The following ZEB2 variants were observed in gnomAD, a reference collection of about 807,000 sequenced individuals.
ZEB2 encodes the protein zinc finger E-box binding homeobox 2, also known as zinc finger E-box-binding homeobox 2.
Under a neutral mutation model 99.9 loss-of-function variants are expected in ZEB2, and 6 were observed. The ratio of observed to expected loss-of-function variants is 0.06; its 90% CI spans 0.03 to 0.12. The LOEUF is 0.12. ZEB2 is among the 10% of genes least tolerant of loss of function. ZEB2 has a pLI of 1.00. For synonymous variants in ZEB2, 517 were observed against 542.5 expected, an observed-to-expected ratio of 0.95 and a Z score of 0.65; for missense variants, 969 against 1,502.8, an observed-to-expected ratio of 0.64 and a Z score of 5.87.
chr2:144,500,086 C>T (rs1704847140), intron 2 of ZEB2, among the ~76,000 whole-genome samples: 1 of 152,202 alleles, frequency 6.6e-6, no homozygotes, highest in Admixed American at 6.5e-5. Flanking sequence ...TGCATTTGCA[C>T]AGCCTCCACT....
At chr2:144,411,071 A>C (rs1316627222) in intron 4 of ZEB2, among the ~76,000 whole-genome samples, 2 of 104,538 alleles carry the variant, frequency 1.9e-5, no homozygotes, top group Non-Finnish European at 4.1e-5. Flanking sequence ...ATATATATAT[A>C]TATATATATA....
In ZEB2 at chr2:144,398,701, C is replaced by T. The variant is rs730881198; in HGVS notation, c.2486G>A (p.Ser829Asn). The T allele has an allele frequency of 6.2e-7, 1 of 1,614,014 alleles. No homozygotes were observed. The highest frequency in any genetic ancestry group is 1.3e-5 in the African/African-American group (1 of 74,980). The change falls in exon 8 of 10, where the codon AGT (serine) becomes AAT (asparagine). Residue 829 changes from serine to asparagine, a missense_variant. Ser to Asn is a conservative substitution (Grantham distance 46, BLOSUM62 1). Transcript: ENST00000627532. The stretch of plus-strand genomic sequence containing the variant: ...TGTTTTGTTCTTTGTGGCTATAATA[C>T]TTTTGGGTTCTTTCATTTGTTTTGG... ...SLPKQMKEPK[S>N]IIATKNKTKA...
intron 4 of ZEB2, among the ~76,000 whole-genome samples, chr2:144,411,915 C>T (rs1181661031): frequency 6.6e-6 from 1 of 152,224 alleles, no homozygotes; most frequent in Non-Finnish European, 1.5e-5. Flanking sequence ...ACTGCTAACA[C>T]TCAACGATTT....
chr2:144,491,445 T>A (rs1445196589), intron 2 of ZEB2, among the ~76,000 whole-genome samples: 1 of 152,176 alleles, frequency 6.6e-6, no homozygotes, highest in Non-Finnish European at 1.5e-5. Flanking sequence ...TTTTATAAGT[T>A]TCAGATTATA....
intron 9 of ZEB2, among the ~76,000 whole-genome samples, chr2:144,393,717 T>C (rs892869660): frequency 6.6e-6 from 1 of 152,168 alleles, no homozygotes; most frequent in Non-Finnish European, 1.5e-5. Flanking sequence ...TGTCATGAGA[T>C]GTTTGGTCAA....
At chr2:144,436,149 A>G (rs1195148117) in intron 2 of ZEB2, among the ~76,000 whole-genome samples, 1 of 152,202 alleles carries the variant, frequency 6.6e-6, no homozygotes, top group Non-Finnish European at 1.5e-5. Flanking sequence ...AAATGGGAAT[A>G]ACTTTATTAC....
chr2:144,421,610 CT>C (rs540637098), intron 4 of ZEB2, among the ~76,000 whole-genome samples: 82 of 149,382 alleles, frequency 5.5e-4, no homozygotes, highest in Non-Finnish European at 1.1e-3. Context: ...ACGAAATTCT[CT>C]TTCTTTGCTT....
At chr2:144,497,083 C>T (rs548751236) in intron 2 of ZEB2, among the ~76,000 whole-genome samples, 1 of 152,300 alleles carries the variant, frequency 6.6e-6, no homozygotes, top group Admixed American at 6.5e-5. Flanking sequence ...TTTCTCCTGG[C>T]TTGTACATGC....
At chr2:144,508,446 G>A (rs987788219) in intron 2 of ZEB2, among the ~76,000 whole-genome samples, 10 of 152,088 alleles carry the variant, frequency 6.6e-5, no homozygotes, top group East Asian at 3.9e-4. Context: ...CTTTAATTCC[G>A]TCATGTCTCA....
intron 4 of ZEB2, among the ~76,000 whole-genome samples, chr2:144,407,819 A>T (rs1703409013): frequency 6.6e-6 from 1 of 152,210 alleles, no homozygotes. Context: ...CCTTAGTGTA[A>T]CCTAGTAAAC....
At chr2:144,446,348 C>T (rs373808927) in intron 2 of ZEB2, among the ~76,000 whole-genome samples, 15 of 151,986 alleles carry the variant, frequency 9.9e-5, no homozygotes, top group Middle Eastern at 3.4e-3. Context: ...TTTTCTCCCT[C>T]CCTTCCTTGC....
At chr2:144,414,495 C>T (rs543017664) in intron 4 of ZEB2, among the ~76,000 whole-genome samples, 109 of 152,128 alleles carry the variant, frequency 7.2e-4, no homozygotes, top group Non-Finnish European at 7.6e-4. Flanking sequence ...GAGAGCCTCC[C>T]ATCCCATGAC....
chr2:144,392,182 G>A (rs1703162877), intron 9 of ZEB2, among the ~76,000 whole-genome samples: 1 of 152,190 alleles, frequency 6.6e-6, no homozygotes, highest in Non-Finnish European at 1.5e-5. Flanking sequence ...CGGCGTGTAT[G>A]GGCAAACTGT....
intron 2 of ZEB2, among the ~76,000 whole-genome samples, chr2:144,481,495 T>A (rs989475221): frequency 6.6e-6 from 1 of 152,200 alleles, no homozygotes; most frequent in Non-Finnish European, 1.5e-5. Flanking sequence ...GAAGGGAGAC[T>A]TCTAAATTCT....
At chr2:144,402,989 C>A (rs1703333494) in intron 6 of ZEB2, among the ~76,000 whole-genome samples, 1 of 152,150 alleles carries the variant, frequency 6.6e-6, no homozygotes, top group South Asian at 2.1e-4. Context: ...ATTTTGAATA[C>A]AATATCATGT....
chr2:144,509,162 C>T (rs572850731), intron 2 of ZEB2, among the ~76,000 whole-genome samples: 2 of 152,138 alleles, frequency 1.3e-5, no homozygotes, highest in South Asian at 2.1e-4. Flanking sequence ...ATCTGCTGAG[C>T]GCAAGGGGCC....
In ZEB2 at chr2:144,482,910, C is replaced by T. The variant is rs766841555; in HGVS notation, c.73+34368G>A. On this transcript the variant is annotated intron_variant, in intron 2 of 9. Transcript: ENST00000627532. Reference sequence around the variant, plus strand: ...ATCATTATTCCTTGCACTATGCTTCCATGGATTGTGCTTTTATATATGGAG... The same window carrying T: ...ATCATTATTCCTTGCACTATGCTTCTATGGATTGTGCTTTTATATATGGAG... Among the ~76,000 whole-genome samples the T allele has an allele frequency of 5.1e-4, 78 of 152,060 alleles. 1 individual carries two copies. Among genetic ancestry groups the T allele is most frequent in the Admixed American group, 6.6e-5 (1 of 15,266 alleles).
intron 2 of ZEB2, chr2:144,511,330 GA>G: frequency 9.1e-7 from 1 of 1,100,726 alleles, no homozygotes; most frequent in Non-Finnish European, 1.1e-6. Context: ...CTCCTCAGAG[GA>G]AACACAAGAC....
intron 2 of ZEB2, among the ~76,000 whole-genome samples, chr2:144,445,715 T>G (rs564851412): frequency 2.8e-4 from 43 of 152,126 alleles, no homozygotes; most frequent in Admixed American, 7.2e-4. Flanking sequence ...CCTCATTTTT[T>G]GGGGGAAAAT....
Sources: allele counts gnomAD v4.1 joint callset (sites outside exome capture counted in the v4.1 genomes callset), GRCh38; gene constraint gnomAD v4.1.1; transcripts MANE v1.5; gene names NCBI Gene and HGNC (gene_info 2026-07-23, HGNC 2026-07-21).